The following ZZEF1 variants were observed in gnomAD, a reference collection of about 807,000 sequenced individuals.
ZZEF1 encodes the protein zinc finger ZZ-type and EF-hand domain-containing protein 1.
ZZEF1 carries 157 observed loss-of-function variants against 342.8 expected under a neutral mutation model. The observed-to-expected ratio is 0.46, with a 90% CI of 0.40 to 0.52. The LOEUF is 0.52. ZZEF1 is among the 20% of genes least tolerant of loss of function. The pLI, the probability that ZZEF1 is intolerant of heterozygous loss-of-function variation, is 0.00. For synonymous variants in ZZEF1, 1,505 were observed against 1,429.1 expected, an observed-to-expected ratio of 1.05 and a Z score of -1.20; for missense variants, 3,480 against 3,725.6, an observed-to-expected ratio of 0.93 and a Z score of 1.72.
At chr17:4,040,384 G>A (rs146902618) in intron 39 of ZZEF1, among the ~76,000 whole-genome samples, 2 of 152,084 alleles carry the variant, frequency 1.3e-5, no homozygotes, top group Non-Finnish European at 2.9e-5. Context: ...TTTGAGAGAG[G>A]CAAAATCCAA....
intron 9 of ZZEF1, among the ~76,000 whole-genome samples, chr17:4,100,012 C>G (rs2058100807): frequency 6.6e-6 from 1 of 152,100 alleles, no homozygotes; most frequent in South Asian, 2.1e-4. Context: ...TTTAAAATAC[C>G]AGACCAAGTG....
At chr17:4,091,675 G>A (rs191362910) in intron 11 of ZZEF1, among the ~76,000 whole-genome samples, 45 of 152,072 alleles carry the variant, frequency 3.0e-4, no homozygotes, top group Admixed American at 1.1e-3. Context: ...TACTCAGGAG[G>A]CTGAGGCAGG....
chr17:4,140,692 A>C (rs2058829448), intron 1 of ZZEF1, among the ~76,000 whole-genome samples: 2 of 152,154 alleles, frequency 1.3e-5, no homozygotes, highest in African/African-American at 4.8e-5. Context: ...TGAACTCTAC[A>C]TAAAGTTCTA....
intron 8 of ZZEF1, 45 bp from the exon 9 acceptor site, chr17:4,102,460 G>C: frequency 6.4e-7 from 1 of 1,559,410 alleles, no homozygotes; most frequent in Non-Finnish European, 8.8e-7. Flanking sequence ...AAAATATGAA[G>C]AACTGGAAAC....
At chr17:4,007,955 CG>C (rs1019586108) in intron 54 of ZZEF1, among the ~76,000 whole-genome samples, 19 of 150,882 alleles carry the variant, frequency 1.3e-4, no homozygotes, top group African/African-American at 4.6e-4. Context: ...AGCTGTCCTC[CG>C]GGGGGGTGGG....
chr17:4,067,069 T>C, intron 27 of ZZEF1, 94 bp downstream of exon 27: 1 of 1,047,920 alleles, frequency 9.5e-7, no homozygotes, highest in East Asian at 2.6e-5. Context: ...ATCCTAAAGC[T>C]ATATTCTTGA....
In ZZEF1 at chr17:4,005,058, G is replaced by C. The variant is rs571092927; in HGVS notation, c.*1832C>G. ...CCGCTTTACTCGGAGTCTGGGGTGT[G>C]GAGGGGCGTGGGTGGCGCTATCTCG... On this transcript the variant is annotated 3_prime_UTR_variant, in exon 55 of 55. Coordinates refer to ENST00000381638, the MANE Select transcript of ZZEF1 (RefSeq NM_015113.4). 1 of 152,554 alleles carries C rather than the reference G, an allele frequency of 6.6e-6. No individual in the cohort carries two copies. The highest frequency in any genetic ancestry group is 1.9e-4 in the East Asian group (1 of 5,194). The allele number at this position is 152,554 out of a possible 1,614,324, so 9.5% of individuals were successfully genotyped here. A position where few individuals can be genotyped will look rare whatever the true frequency, so the allele number is the denominator to read the frequency against.
chr17:4,087,149 G>A (rs1221773553), intron 14 of ZZEF1, among the ~76,000 whole-genome samples: 3 of 152,130 alleles, frequency 2.0e-5, no homozygotes, highest in Admixed American at 2.0e-4. Flanking sequence ...CAAAGTGCTG[G>A]GATTACAGGC....
intron 15 of ZZEF1, 115 bp from the exon 16 acceptor site, chr17:4,085,918 A>C: frequency 1.5e-5 from 21 of 1,361,500 alleles, no homozygotes; most frequent in Non-Finnish European, 2.1e-5. Flanking sequence ...TACCAGAGTG[A>C]AGAAGTATTT....
chr17:4,011,382 C>T (rs1029495246), intron 52 of ZZEF1, among the ~76,000 whole-genome samples: 10 of 150,634 alleles, frequency 6.6e-5, no homozygotes, highest in East Asian at 1.9e-4. Context: ...CCAGCCTGGG[C>T]GAAAGAGCCA....
intron 25 of ZZEF1, among the ~76,000 whole-genome samples, chr17:4,072,352 C>T (rs2057526205): frequency 6.6e-6 from 1 of 152,196 alleles, no homozygotes; most frequent in Admixed American, 6.5e-5. Flanking sequence ...CCTGATAACT[C>T]CATCAACAGA....
At chr17:4,022,954 A>T in intron 43 of ZZEF1, 126 bp from the exon 44 acceptor site, 1 of 1,307,674 alleles carries the variant, frequency 7.6e-7, no homozygotes, top group Non-Finnish European at 1.0e-6. Flanking sequence ...TTTTGAATGA[A>T]GCCTATTTTA....
intron 13 of ZZEF1, among the ~76,000 whole-genome samples, chr17:4,088,028 C>T (rs971199715): frequency 2.6e-5 from 4 of 152,084 alleles, no homozygotes; most frequent in Non-Finnish European, 5.9e-5. Flanking sequence ...GTCTGAATAA[C>T]GAAGACCAAA....
intron 16 of ZZEF1, 100 bp from the exon 17 acceptor site, chr17:4,082,604 T>C: frequency 8.9e-7 from 1 of 1,122,596 alleles, no homozygotes; most frequent in South Asian, 1.3e-5. Context: ...TGTTCTCAAG[T>C]ATGAGGAATG....
chr17:4,071,686 T>C (rs945980473), intron 25 of ZZEF1, among the ~76,000 whole-genome samples: 4 of 152,106 alleles, frequency 2.6e-5, no homozygotes, highest in Non-Finnish European at 5.9e-5. Context: ...TAGGGAGCAG[T>C]GGCTTCAGGC....
chr17:4,071,731 C>T (rs916395839), intron 25 of ZZEF1, among the ~76,000 whole-genome samples: 2 of 152,072 alleles, frequency 1.3e-5, no homozygotes, highest in Non-Finnish European at 2.9e-5. Context: ...AGTGACCGGT[C>T]TTTGGTTTTA....
chr17:4,068,660 A>G (rs2057450205), intron 26 of ZZEF1, among the ~76,000 whole-genome samples: 2 of 152,204 alleles, frequency 1.3e-5, no homozygotes, highest in Admixed American at 1.3e-4. Flanking sequence ...AAAGGATAAT[A>G]TACTAGAACA....
Position 4,024,910 on chromosome 17 carries a change from C to G in ZZEF1, c.7092+9G>C, listed in dbSNP as rs1300249736. The G allele has an allele frequency of 1.2e-6, 2 of 1,613,972 alleles. No individual in the cohort carries two copies. The highest frequency in any genetic ancestry group is 3.3e-5 in the Admixed American group (2 of 60,026). Reference sequence around the variant, plus strand: ...AGATCCACTGCCAACTGGAGAAGCTCCCCATTACCTTTAGTGTTTTATACA... The same window carrying G: ...AGATCCACTGCCAACTGGAGAAGCTGCCCATTACCTTTAGTGTTTTATACA... On this transcript the variant is annotated intron_variant, in intron 43 of 54. Transcript: ENST00000381638.
intron 1 of ZZEF1, 94 bp downstream of exon 1, chr17:4,142,448 G>T: frequency 2.2e-6 from 3 of 1,340,434 alleles, no homozygotes; most frequent in Non-Finnish European, 3.0e-6. Context: ...ATGGGTCCCC[G>T]CCTGGCCTCT....
Sources: gnomAD v4.1 joint callset for allele counts (sites outside exome capture counted in the v4.1 genomes callset) on GRCh38, gnomAD v4.1.1 for gene constraint, MANE v1.5 for transcripts, NCBI Gene and HGNC (gene_info 2026-07-23, HGNC 2026-07-21) for gene names.